GTF2E1: variants seen among roughly 807,000 people sequenced by gnomAD.
GTF2E1 encodes general transcription factor IIE subunit 1.
GTF2E1 carries 14 observed loss-of-function variants against 34.9 expected under a neutral mutation model. The ratio of observed to expected loss-of-function variants is 0.40; its 90% confidence interval spans 0.27 to 0.63. The LOEUF is 0.63. Ranked by LOEUF, GTF2E1 falls within the 20% of genes least tolerant of loss-of-function variation. The probability of loss-of-function intolerance (pLI) is 0.39; values close to 1 mark genes in which losing one functional copy is unlikely to be tolerated. For synonymous variants in GTF2E1, 188 were observed against 192.9 expected (o/e 0.97, Z 0.21); for missense variants, 469 against 557.7 (o/e 0.84, Z 1.60).
chr3:120,765,615 C>T (rs550844756), intron 2 of GTF2E1, among the ~76,000 whole-genome samples: 3 of 152,252 alleles, frequency 2.0e-5, no homozygotes, highest in African/African-American at 7.2e-5. Flanking sequence ...TATTTGAATC[C>T]AAGTTTAGTG....
intron 1 of GTF2E1, among the ~76,000 whole-genome samples, chr3:120,744,415 A>C (rs1030689655): frequency 6.6e-6 from 1 of 152,180 alleles, no homozygotes; most frequent in African/African-American, 2.4e-5. Context: ...CCTGAGCTCT[A>C]GTTTCATTTG....
chr3:120,755,218 A>G (rs1484960223), intron 2 of GTF2E1, among the ~76,000 whole-genome samples: 1 of 152,206 alleles, frequency 6.6e-6, no homozygotes, highest in African/African-American at 2.4e-5. Context: ...TCTACTTGAG[A>G]TATTCATATG....
intron 4 of GTF2E1, among the ~76,000 whole-genome samples, chr3:120,780,047 C>T (rs1206753824): frequency 1.3e-5 from 2 of 152,252 alleles, no homozygotes; most frequent in African/African-American, 4.8e-5. Flanking sequence ...AGCTTCATTC[C>T]TAAAATTAGA....
chr3:120,780,965 G>A, intron 4 of GTF2E1, 78 bp from the exon 5 acceptor site: 1 of 896,928 alleles, frequency 1.1e-6, no homozygotes, highest in East Asian at 2.7e-5. Flanking sequence ...TTAAATATAT[G>A]TTAAAATATT....
intron 1 of GTF2E1, among the ~76,000 whole-genome samples, chr3:120,745,925 A>G (rs1383876996): frequency 6.6e-6 from 1 of 152,216 alleles, no homozygotes; most frequent in Non-Finnish European, 1.5e-5. Flanking sequence ...GGAAGGCTCT[A>G]AGTTCACAGA....
intron 2 of GTF2E1, among the ~76,000 whole-genome samples, chr3:120,766,875 CCTTGCCA>C (rs1559833046): frequency 6.6e-6 from 1 of 152,012 alleles, no homozygotes; most frequent in African/African-American, 2.4e-5. Flanking sequence ...TCCTCCTGCC[CCTTGCCA>C]CTTGCCCCTT....
chr3:120,752,971 A>G (rs1366385003), intron 2 of GTF2E1, among the ~76,000 whole-genome samples: 1 of 152,176 alleles, frequency 6.6e-6, no homozygotes, highest in Non-Finnish European at 1.5e-5. Flanking sequence ...TTAAAAATTT[A>G]TAATCATTAG....
chr3:120,754,568 G>A (rs143165052), intron 2 of GTF2E1, among the ~76,000 whole-genome samples: 1 of 152,060 alleles, frequency 6.6e-6, no homozygotes, highest in African/African-American at 2.4e-5. Flanking sequence ...CATTATTCCT[G>A]TTCACATTTT....
At chr3:120,756,630 T>A (rs887315627) in intron 2 of GTF2E1, among the ~76,000 whole-genome samples, 10 of 152,104 alleles carry the variant, frequency 6.6e-5, no homozygotes, top group Non-Finnish European at 1.5e-4. Flanking sequence ...AGAACTTTTT[T>A]AAAAAAACAT....
chr3:120,744,813 T>G (rs1414247225), intron 1 of GTF2E1, among the ~76,000 whole-genome samples: 7 of 152,222 alleles, frequency 4.6e-5, no homozygotes, highest in Non-Finnish European at 1.0e-4. Context: ...GGGGATTTAT[T>G]ATGAATGCCA....
At chr3:120,759,201 T>C (rs1340818006) in intron 2 of GTF2E1, among the ~76,000 whole-genome samples, 1 of 152,208 alleles carries the variant, frequency 6.6e-6, no homozygotes, top group Non-Finnish European at 1.5e-5. Context: ...ATGTCATCTA[T>C]GCTGCATATG....
Position 120,772,286 on chromosome 3 carries a change from A to G in GTF2E1, c.650+1357A>G, listed in dbSNP as rs77371668. Among the ~76,000 whole-genome samples, 220 of 152,304 alleles carry G rather than the reference A, an allele frequency of 1.4e-3. 3 individuals are homozygous for G. The East Asian group carries it at 0.03, about 21-fold the overall frequency. The stretch of plus-strand genomic sequence containing the variant: ...TCTAAACCAGCAGCTGGCAAAGGAA[A>G]TGAGATCACATGACTGGTACTTAGA... On this transcript the variant is annotated intron_variant, in intron 3 of 4. Transcript: ENST00000283875.
intron 2 of GTF2E1, among the ~76,000 whole-genome samples, chr3:120,752,844 CT>C (rs1189749771): frequency 6.6e-6 from 1 of 152,154 alleles, no homozygotes; most frequent in African/African-American, 2.4e-5. Context: ...GAAGGGGTGC[CT>C]GAGAGCAAGA....
At position 120,782,879 on chromosome 3, in the gene GTF2E1, T is replaced by G. The variant is rs1709460233; in HGVS notation, c.*1409T>G. ...TTTCCCTAAGGCAGAACTTTAAAAA[T>G]AAAGAACTTTCACACAAGGGTCTGT... is the stretch of plus-strand genomic sequence containing the variant. On this transcript the variant is annotated 3_prime_UTR_variant, in exon 5 of 5. Transcript: ENST00000283875. 6.6e-6 allele frequency: 1 copy of G among 152,196 alleles called. No homozygotes were observed. Among genetic ancestry groups the G allele is most frequent in the African/African-American group, 2.4e-5 (1 of 41,464 alleles). The allele number at this position is 152,196 out of a possible 1,614,324, so 9.4% of individuals were successfully genotyped here. A position where few individuals can be genotyped will look rare whatever the true frequency, so the allele number is the denominator to read the frequency against.
At chr3:120,759,128 G>A (rs901101628) in intron 2 of GTF2E1, among the ~76,000 whole-genome samples, 2 of 152,134 alleles carry the variant, frequency 1.3e-5, no homozygotes, top group African/African-American at 4.8e-5. Flanking sequence ...GTATGAGATG[G>A]TATCTCATTG....
chr3:120,763,020 C>G (rs1709277673), intron 2 of GTF2E1, among the ~76,000 whole-genome samples: 1 of 152,126 alleles, frequency 6.6e-6, no homozygotes, highest in South Asian at 2.1e-4. Flanking sequence ...AAAATATGCT[C>G]TGTTTACATC....
At chr3:120,756,027 G>A (rs958113458) in intron 2 of GTF2E1, among the ~76,000 whole-genome samples, 1 of 152,214 alleles carries the variant, frequency 6.6e-6, no homozygotes, top group East Asian at 1.9e-4. Context: ...GAACACTTAG[G>A]TTGCTTCCAA....
At chr3:120,774,475 A>G (rs1237422792) in intron 3 of GTF2E1, among the ~76,000 whole-genome samples, 1 of 152,188 alleles carries the variant, frequency 6.6e-6, no homozygotes, top group Non-Finnish European at 1.5e-5. Context: ...TTAAAAGACC[A>G]CACAGAACAG....
Position 120,781,270 on chromosome 3 carries a change from G to T in GTF2E1, c.1120G>T (p.Val374Leu). 1 of 1,614,182 alleles carries T rather than the reference G, an allele frequency of 6.2e-7. No homozygotes were observed. Among genetic ancestry groups the T allele is most frequent in the East Asian group, 2.2e-5 (1 of 44,862 alleles). The change falls in exon 5 of 5, where the codon GTG becomes TTG. Residue 374 changes from valine (V) to leucine (L), a missense_variant. Transcript: ENST00000283875. The stretch of plus-strand genomic sequence containing the variant: ...TCCACCCCGTCCGGCAGCTGTGGCT[G>T]TGCATAAACGAGAAGAGGATGAAGA... ...DSPPRPAAVAVHKREEDEEED... is the reference protein window; with the variant it reads ...DSPPRPAAVALHKREEDEEED...
Sources: allele counts gnomAD v4.1 joint callset (sites outside exome capture counted in the v4.1 genomes callset), GRCh38; gene constraint gnomAD v4.1.1; transcripts MANE v1.5; gene names NCBI Gene and HGNC (gene_info 2026-07-23, HGNC 2026-07-21).